Variants in GGACT observed in about 807,000 individuals in gnomAD.
The protein encoded by GGACT is gamma-glutamylaminecyclotransferase.
For synonymous variants in GGACT, 118 were observed against 115.3 expected, an observed-to-expected ratio of 1.02 and a Z score of -0.15; for missense variants, 241 against 233.2, an observed-to-expected ratio of 1.03 and a Z score of -0.22.
intron 2 of GGACT, among the ~76,000 whole-genome samples, chr13:100,551,412 C>G (rs970762499): frequency 1.3e-5 from 2 of 152,226 alleles, no homozygotes; most frequent in African/African-American, 2.4e-5. Flanking sequence ...GCGCCCGTGG[C>G]AAGGTGAGGA....
chr13:100,578,166 T>C (rs1875309101), intron 2 of GGACT, among the ~76,000 whole-genome samples: 1 of 152,188 alleles, frequency 6.6e-6, no homozygotes, highest in South Asian at 2.1e-4. Context: ...GCACTCCTCT[T>C]TTCCTCCCAC....
chr13:100,567,606 C>T (rs1423368939), intron 2 of GGACT, among the ~76,000 whole-genome samples: 1 of 152,238 alleles, frequency 6.6e-6, no homozygotes, highest in African/African-American at 2.4e-5. Flanking sequence ...CATCTGTCCA[C>T]AACCCCTGCG....
At chr13:100,540,807 C>T (rs1023884185) in intron 2 of GGACT, among the ~76,000 whole-genome samples, 1 of 152,240 alleles carries the variant, frequency 6.6e-6, no homozygotes, top group Non-Finnish European at 1.5e-5. Context: ...GGCCAGATGC[C>T]TCTCAGAACC....
chr13:100,544,092 C>T (rs574234772), intron 2 of GGACT, among the ~76,000 whole-genome samples: 1 of 152,348 alleles, frequency 6.6e-6, no homozygotes, highest in African/African-American at 2.4e-5. Flanking sequence ...ATGTTGTGCA[C>T]GTTTCCCCTA....
At chr13:100,581,573 T>A (rs1288108349) in intron 2 of GGACT, among the ~76,000 whole-genome samples, 1 of 152,186 alleles carries the variant, frequency 6.6e-6, no homozygotes, top group Non-Finnish European at 1.5e-5. Flanking sequence ...CAGATAACCC[T>A]CCTGCACGGA....
intron 2 of GGACT, among the ~76,000 whole-genome samples, chr13:100,549,488 A>T (rs2088637923): frequency 6.6e-6 from 1 of 152,242 alleles, no homozygotes; most frequent in East Asian, 1.9e-4. Context: ...ACATGAAATC[A>T]GGAGCTAAAA....
At chr13:100,558,115 G>A (rs768398154) in intron 2 of GGACT, among the ~76,000 whole-genome samples, 1 of 151,272 alleles carries the variant, frequency 6.6e-6, no homozygotes, top group African/African-American at 2.4e-5. Flanking sequence ...AGGAGGCGGA[G>A]GTTGCAGTGA....
chr13:100,571,440 G>A (rs1365527391), intron 2 of GGACT, among the ~76,000 whole-genome samples: 1 of 152,224 alleles, frequency 6.6e-6, no homozygotes, highest in Non-Finnish European at 1.5e-5. Context: ...TGCAGCAGAA[G>A]AAAGTGTGGT....
intron 2 of GGACT, chr13:100,539,782 T>G (rs2088532730): frequency 3.0e-6 from 2 of 658,990 alleles, no homozygotes; most frequent in East Asian, 5.4e-5. Context: ...AAATGTTTGG[T>G]AGAATTTACC....
chr13:100,550,369 A>C (rs2088650771), intron 2 of GGACT, among the ~76,000 whole-genome samples: 1 of 140,606 alleles, frequency 7.1e-6, no homozygotes, highest in Non-Finnish European at 1.5e-5. Context: ...TGGCCCTTCT[A>C]AGGAAACTGG....
At chr13:100,559,103 C>T (rs760084111) in intron 2 of GGACT, among the ~76,000 whole-genome samples, 1 of 152,148 alleles carries the variant, frequency 6.6e-6, no homozygotes, top group African/African-American at 2.4e-5. Context: ...AGTCAGAGCA[C>T]AGCTCTGATG....
At chr13:100,571,702 T>C (rs1318998321) in intron 2 of GGACT, among the ~76,000 whole-genome samples, 1 of 152,136 alleles carries the variant, frequency 6.6e-6, no homozygotes, top group East Asian at 1.9e-4. Context: ...GTTCAGGGTG[T>C]TTCATCTCTG....
intron 2 of GGACT, among the ~76,000 whole-genome samples, chr13:100,569,121 G>A (rs1050237555): frequency 6.6e-6 from 1 of 152,242 alleles, no homozygotes; most frequent in African/African-American, 2.4e-5. Flanking sequence ...CACGGTGCAA[G>A]CCATTGGTGG....
chr13:100,585,036 C>G (rs561456382), intron 1 of GGACT, among the ~76,000 whole-genome samples: 2 of 152,124 alleles, frequency 1.3e-5, no homozygotes, highest in Non-Finnish European at 2.9e-5. Context: ...CCAAAAATGG[C>G]AAGCATGAAC....
At chr13:100,577,676 G>A (rs1875293016) in intron 2 of GGACT, among the ~76,000 whole-genome samples, 1 of 152,136 alleles carries the variant, frequency 6.6e-6, no homozygotes, top group Middle Eastern at 3.2e-3. Context: ...GCATGGCAAA[G>A]CCAGTATGGT....
At chr13:100,544,395 C>T (rs2088585603) in intron 2 of GGACT, among the ~76,000 whole-genome samples, 1 of 152,232 alleles carries the variant, frequency 6.6e-6, no homozygotes, top group African/African-American at 2.4e-5. Context: ...ATCCTGTTGG[C>T]TCTTTGATGC....
At position 100,565,384 on chromosome 13, in the gene GGACT, C is replaced by T. The variant is rs1242776839; in HGVS notation, c.-11+18441G>A. Among the ~76,000 whole-genome samples, 3 of 152,196 alleles carry T rather than the reference C, an allele frequency of 2.0e-5. No individual in the cohort carries two copies. In the East Asian group the frequency reaches 5.8e-4, roughly 29 times the overall value. On this transcript the variant is annotated intron_variant, in intron 2 of 2. Transcript: ENST00000683975. ...TAACAGCTTTCATTTGCACATCTGA[C>T]TCCTGACAGTCAAGGCAAAGTAGTG...
rs188501486 is a variant in GGACT, at chr13:100,572,327, T to A, written c.-11+11498A>T. Among the ~76,000 whole-genome samples, 10 of 152,334 alleles carry A rather than the reference T, an allele frequency of 6.6e-5. No homozygotes were observed. The East Asian group carries it at 1.9e-3, about 29-fold the overall frequency. ...GACAAATGCTGTAAGATTCCACTTT[T>A]ATGACATACCTAGAGTAGTCAAATT... On this transcript the variant is annotated intron_variant, in intron 2 of 2. Coordinates refer to ENST00000683975, the MANE Select transcript of GGACT (RefSeq NM_001195087.2).
At chr13:100,577,003 G>C (rs1391788646) in intron 2 of GGACT, among the ~76,000 whole-genome samples, 1 of 152,200 alleles carries the variant, frequency 6.6e-6, no homozygotes, top group Non-Finnish European at 1.5e-5. Flanking sequence ...AGAACACTCT[G>C]AATCAAATTA....
Sources: allele counts gnomAD v4.1 joint callset (sites outside exome capture counted in the v4.1 genomes callset), GRCh38; gene constraint gnomAD v4.1.1; transcripts MANE v1.5; gene names NCBI Gene and HGNC (gene_info 2026-07-23, HGNC 2026-07-21).